Variants in NDST4 observed in about 807,000 individuals in gnomAD.
The protein encoded by NDST4 is N-deacetylase and N-sulfotransferase 4.
In NDST4, 63 loss-of-function variants were observed where a neutral mutation model predicts 100.8. The observed-to-expected ratio is 0.62, with a 90% CI of 0.51 to 0.77. The LOEUF (loss-of-function observed/expected upper bound fraction) is 0.77, where lower values mean the gene tolerates loss of function less well. NDST4 is among the 30% of genes least tolerant of loss of function. The pLI is 0.00. For synonymous variants in NDST4, 377 were observed against 361.8 expected (o/e 1.04, Z -0.48); for missense variants, 943 against 1,018.4 (o/e 0.93, Z 1.01).
Position 114,949,445 on chromosome 4 carries a change from AT to A in NDST4, c.1222-11943del, listed in dbSNP as rs562326630. ...GTAAACTGAAAAACATAGGAATTTT[AT>A]TTTTATTTTTTTCTCTCGTGTAATG... On this transcript the variant is annotated intron_variant, in intron 4 of 13. Coordinates refer to ENST00000264363, the MANE Select transcript of NDST4 (RefSeq NM_022569.3). Among the ~76,000 whole-genome samples, 31 of 152,132 alleles carry A rather than the reference AT, an allele frequency of 2.0e-4. No homozygotes were observed. The South Asian group carries it at 6.2e-3, about 31-fold the overall frequency.
chr4:115,047,809 C>T (rs991538062), intron 2 of NDST4, among the ~76,000 whole-genome samples: 4 of 151,942 alleles, frequency 2.6e-5, no homozygotes, highest in Non-Finnish European at 4.4e-5. Flanking sequence ...ATCCTTATTC[C>T]CCTATTATAT....
chr4:115,073,016 C>A (rs146029454), intron 2 of NDST4, among the ~76,000 whole-genome samples: 1 of 151,790 alleles, frequency 6.6e-6, no homozygotes, highest in Non-Finnish European at 1.5e-5. Flanking sequence ...GAGCAAAAGG[C>A]CTGAATAAAC....
At chr4:115,098,553 G>A (rs140330582) in intron 1 of NDST4, among the ~76,000 whole-genome samples, 2 of 152,236 alleles carry the variant, frequency 1.3e-5, no homozygotes, top group East Asian at 3.9e-4. Flanking sequence ...AACAAAGTTG[G>A]AGGATAGATA....
chr4:114,937,614 A>C, intron 4 of NDST4, 111 bp from the exon 5 acceptor site: 1 of 876,654 alleles, frequency 1.1e-6, no homozygotes, highest in South Asian at 2.2e-5. Flanking sequence ...TAAATATGAG[A>C]ATTAAAAATC....
chr4:114,868,717 G>A (rs549441984), intron 7 of NDST4, among the ~76,000 whole-genome samples: 2 of 151,728 alleles, frequency 1.3e-5, no homozygotes, highest in East Asian at 3.9e-4. Flanking sequence ...AGCAAAGGGA[G>A]TCTTTCAGTA....
At chr4:115,082,334 C>T (rs943722932) in intron 1 of NDST4, among the ~76,000 whole-genome samples, 6 of 152,104 alleles carry the variant, frequency 3.9e-5, no homozygotes, top group African/African-American at 1.2e-4. Context: ...ATACAGTTTG[C>T]AAAGTTCATT....
At chr4:114,913,328 C>T (rs1179690040) in intron 6 of NDST4, among the ~76,000 whole-genome samples, 1 of 151,778 alleles carries the variant, frequency 6.6e-6, no homozygotes, top group Non-Finnish European at 1.5e-5. Context: ...AAACTTGGGA[C>T]ATGAAAAAAA....
chr4:115,077,046 T>C lies in NDST4; in HGVS notation c.-10A>G. On this transcript the variant is annotated 5_prime_UTR_variant, in exon 2 of 14. Transcript: ENST00000264363. ...TCACAATAAGATTCATTTTTTAGAA[T>C]AATGTTTTGGAAGCTTTTTCCCAAT... 2 of 1,578,472 alleles carry C rather than the reference T, an allele frequency of 1.3e-6. No individual in the cohort carries two copies. The highest frequency in any genetic ancestry group is 1.2e-5 in the South Asian group (1 of 85,200).
chr4:114,884,393 G>A (rs1438580575), intron 6 of NDST4, among the ~76,000 whole-genome samples: 1 of 152,096 alleles, frequency 6.6e-6, no homozygotes, highest in Non-Finnish European at 1.5e-5. Context: ...TCTTACAACT[G>A]AAAACTGCTA....
At chr4:115,005,599 G>A (rs1397322254) in intron 2 of NDST4, among the ~76,000 whole-genome samples, 1 of 152,056 alleles carries the variant, frequency 6.6e-6, no homozygotes, top group Non-Finnish European at 1.5e-5. Context: ...GTGGGAAAAG[G>A]CAAGAATACT....
intron 8 of NDST4, among the ~76,000 whole-genome samples, chr4:114,848,609 G>A (rs535180550): frequency 6.6e-6 from 1 of 152,270 alleles, no homozygotes; most frequent in South Asian, 2.1e-4. Flanking sequence ...TGGCACTGCG[G>A]AAGTCATGCA....
intron 4 of NDST4, among the ~76,000 whole-genome samples, chr4:114,944,391 CTGA>C (rs999095439): frequency 7.9e-5 from 12 of 152,324 alleles, no homozygotes; most frequent in African/African-American, 2.9e-4. Flanking sequence ...CATCTCAACT[CTGA>C]TGATCTTTTT....
chr4:114,944,192 T>A (rs948421828), intron 4 of NDST4, among the ~76,000 whole-genome samples: 3 of 152,194 alleles, frequency 2.0e-5, no homozygotes, highest in Admixed American at 2.0e-4. Context: ...TTCTCTTGCT[T>A]TCTTGCTTCC....
intron 6 of NDST4, among the ~76,000 whole-genome samples, chr4:114,905,814 CT>C (rs1264325115): frequency 1.3e-5 from 2 of 151,932 alleles, no homozygotes; most frequent in South Asian, 2.1e-4. Context: ...TTTGTATCAG[CT>C]GTTTTTTACC....
At chr4:114,985,155 G>T (rs1031246945) in intron 2 of NDST4, among the ~76,000 whole-genome samples, 1 of 152,092 alleles carries the variant, frequency 6.6e-6, no homozygotes, top group Admixed American at 6.5e-5. Context: ...TTGAACTGTA[G>T]GGATCCTACT....
At chr4:114,835,751 T>C (rs1221931126) in intron 11 of NDST4, among the ~76,000 whole-genome samples, 1 of 152,204 alleles carries the variant, frequency 6.6e-6, no homozygotes, top group Admixed American at 6.5e-5. Flanking sequence ...AGTCTAAGTC[T>C]CTTTGTAGGT....
intron 6 of NDST4, among the ~76,000 whole-genome samples, chr4:114,910,989 A>G (rs781358885): frequency 5.3e-5 from 8 of 152,156 alleles, no homozygotes; most frequent in Non-Finnish European, 1.0e-4. Context: ...CCTAATTGGT[A>G]TCTTTGTTCT....
chr4:114,906,840 T>C (rs765568778), intron 6 of NDST4, among the ~76,000 whole-genome samples: 7 of 152,024 alleles, frequency 4.6e-5, no homozygotes, highest in Non-Finnish European at 1.0e-4. Context: ...GAAGGGACCA[T>C]GGTGTATTTA....
intron 6 of NDST4, among the ~76,000 whole-genome samples, chr4:114,884,226 C>T (rs1361750746): frequency 6.6e-6 from 1 of 152,096 alleles, no homozygotes; most frequent in East Asian, 1.9e-4. Context: ...TGAACTTAAA[C>T]ACACTCACTT....
Sources: gnomAD v4.1 joint callset for allele counts (sites outside exome capture counted in the v4.1 genomes callset) on GRCh38, gnomAD v4.1.1 for gene constraint, MANE v1.5 for transcripts, NCBI Gene and HGNC (gene_info 2026-07-23, HGNC 2026-07-21) for gene names.